The following CHN2 variants were observed in gnomAD, a reference collection of about 807,000 sequenced individuals.
CHN2 encodes chimerin 2, also known as beta-chimaerin.
CHN2 carries 35 observed loss-of-function variants against 56.3 expected under a neutral mutation model. The observed-to-expected ratio is 0.62, with a 90% CI of 0.47 to 0.82. The LOEUF (loss-of-function observed/expected upper bound fraction) is 0.82, where lower values mean the gene tolerates loss of function less well. Ranked by LOEUF, CHN2 falls within the 40% of genes least tolerant of loss-of-function variation. The pLI is 0.00. For synonymous variants in CHN2, 210 were observed against 212.8 expected (o/e 0.99, Z 0.12); for missense variants, 491 against 580.5 (o/e 0.85, Z 1.58).
intron 8 of CHN2, among the ~76,000 whole-genome samples, chr7:29,498,758 C>CGTTT (rs1789587429): frequency 1.0e-5 from 1 of 100,078 alleles, no homozygotes; most frequent in Non-Finnish European, 1.9e-5. Context: ...ACTATGCTGC[C>CGTTT]TTTTTTTTTT....
intron 9 of CHN2, 62 bp from the exon 10 acceptor site, chr7:29,504,682 C>CTTTTTT: frequency 1.1e-6 from 1 of 880,284 alleles, no homozygotes; most frequent in Non-Finnish European, 1.8e-6. Context: ...TGAAATTAGT[C>CTTTTTT]TTTTTTTTTT....
chr7:29,149,122 A>G (rs1211770790), intron 2 of CHN2, among the ~76,000 whole-genome samples: 1 of 150,994 alleles, frequency 6.6e-6, no homozygotes, highest in African/African-American at 2.4e-5. Context: ...CAGCTTGGAA[A>G]GGGCAAGAAT....
Position 29,398,385 on chromosome 7 carries a change from C to T in CHN2, c.189C>T (p.Ile63=), listed in dbSNP as rs1056559728. 16 of 1,612,580 alleles carry T rather than the reference C, an allele frequency of 9.9e-6. No homozygotes were observed. Among genetic ancestry groups the T allele is most frequent in the South Asian group, 6.6e-5 (6 of 91,066 alleles). ...PKYYGREFHG[I]ISREQADELL... is the part of the protein sequence containing the mutation. ...CTTGTACCTTCAGGTTTCATGGGATCATCTCTCGGGAGCAGGCGGATGAGC... is the reference window on the plus strand; with the variant it reads ...CTTGTACCTTCAGGTTTCATGGGATTATCTCTCGGGAGCAGGCGGATGAGC... The change falls in exon 5 of 13, where the codon ATC becomes ATT. Residue 63 remains isoleucine (I), a synonymous_variant. Coordinates refer to ENST00000222792, the MANE Select transcript of CHN2 (RefSeq NM_004067.4).
chr7:29,323,363 A>G (rs1250786313), intron 1 of CHN2, among the ~76,000 whole-genome samples: 1 of 152,068 alleles, frequency 6.6e-6, no homozygotes, highest in African/African-American at 2.4e-5. Context: ...CTCCAGACGT[A>G]TTCCAATCCC....
At chr7:29,148,030 C>T (rs1290051971) in intron 2 of CHN2, among the ~76,000 whole-genome samples, 2 of 152,160 alleles carry the variant, frequency 1.3e-5, no homozygotes, top group East Asian at 1.9e-4. Context: ...TCAAGCTTCC[C>T]AGAAGCAGCT....
At chr7:29,499,375 GAT>G (rs1789684306) in intron 8 of CHN2, among the ~76,000 whole-genome samples, 1 of 152,128 alleles carries the variant, frequency 6.6e-6, no homozygotes, top group South Asian at 2.1e-4. Context: ...AGGGGAAGAG[GAT>G]ACCAATGGTC....
intron 1 of CHN2, among the ~76,000 whole-genome samples, chr7:29,306,331 T>G (rs1007119157): frequency 6.6e-6 from 1 of 152,160 alleles, no homozygotes. Context: ...GGAAGTTAAT[T>G]ATTGGTATCT....
At chr7:29,454,841 T>C (rs1275277212) in intron 6 of CHN2, among the ~76,000 whole-genome samples, 1 of 152,192 alleles carries the variant, frequency 6.6e-6, no homozygotes, top group African/African-American at 2.4e-5. Context: ...TGAATTTTAC[T>C]GTATCTAAAG....
chr7:29,249,519 TC>T (rs1225104377), intron 1 of CHN2, among the ~76,000 whole-genome samples: 2 of 152,164 alleles, frequency 1.3e-5, no homozygotes, highest in African/African-American at 4.8e-5. Context: ...TCACAGACAC[TC>T]CCAAAATAAT....
intron 1 of CHN2, among the ~76,000 whole-genome samples, chr7:29,291,491 A>G (rs1460853242): frequency 6.6e-6 from 1 of 151,994 alleles, no homozygotes; most frequent in Non-Finnish European, 1.5e-5. Flanking sequence ...GTAAATATGT[A>G]TTTTCTTTTT....
At chr7:29,274,006 C>T (rs1051856719) in intron 1 of CHN2, among the ~76,000 whole-genome samples, 1 of 152,234 alleles carries the variant, frequency 6.6e-6, no homozygotes, top group East Asian at 1.9e-4. Context: ...CTCCCCAAAA[C>T]TTGCCTCTCT....
At chr7:29,351,994 A>AT (rs1175880149) in intron 1 of CHN2, among the ~76,000 whole-genome samples, 3 of 152,156 alleles carry the variant, frequency 2.0e-5, no homozygotes, top group Non-Finnish European at 2.9e-5. Flanking sequence ...AGGAGTGTTA[A>AT]TTTAGGGGCC....
intron 7 of CHN2, among the ~76,000 whole-genome samples, chr7:29,493,134 C>G (rs1394051375): frequency 1.3e-5 from 2 of 152,040 alleles, no homozygotes; most frequent in African/African-American, 4.8e-5. Flanking sequence ...TTTTACTGTA[C>G]CTTTTCTATG....
intron 6 of CHN2, among the ~76,000 whole-genome samples, chr7:29,461,829 T>C (rs980132566): frequency 2.0e-5 from 3 of 148,604 alleles, no homozygotes; most frequent in South Asian, 4.2e-4. Flanking sequence ...GATGGATGGA[T>C]GGATGGATGG....
chr7:29,251,956 C>T (rs1448133497), intron 1 of CHN2, among the ~76,000 whole-genome samples: 1 of 152,080 alleles, frequency 6.6e-6, no homozygotes, highest in Non-Finnish European at 1.5e-5. Flanking sequence ...AAAAATCTTA[C>T]ACATGCTATA....
intron 4 of CHN2, among the ~76,000 whole-genome samples, chr7:29,393,987 C>A (rs1432042175): frequency 6.6e-6 from 1 of 152,174 alleles, no homozygotes; most frequent in Non-Finnish European, 1.5e-5. Flanking sequence ...CGGAAGGCAG[C>A]ATTTTTCATA....
chr7:29,174,227 A>C (rs1728861022), intron 2 of CHN2, among the ~76,000 whole-genome samples: 1 of 152,190 alleles, frequency 6.6e-6, no homozygotes, highest in Non-Finnish European at 1.5e-5. Flanking sequence ...TTAAGCTGTC[A>C]GGAAGAAGCA....
intron 2 of CHN2, among the ~76,000 whole-genome samples, chr7:29,178,743 A>G (rs1192449664): frequency 6.6e-6 from 1 of 152,186 alleles, no homozygotes; most frequent in Non-Finnish European, 1.5e-5. Context: ...GGCATTAATT[A>G]ATTAATTTCA....
chr7:29,391,517 G>T (rs1801371664), intron 3 of CHN2, among the ~76,000 whole-genome samples: 1 of 152,094 alleles, frequency 6.6e-6, no homozygotes, highest in Admixed American at 6.5e-5. Context: ...GTATTCCATG[G>T]CCCTCTTCCA....
Sources: gnomAD v4.1 joint callset for allele counts (sites outside exome capture counted in the v4.1 genomes callset) on GRCh38, gnomAD v4.1.1 for gene constraint, MANE v1.5 for transcripts, NCBI Gene and HGNC (gene_info 2026-07-23, HGNC 2026-07-21) for gene names.